Variants in GPC6 observed in about 807,000 individuals in gnomAD.
GPC6 encodes the protein glypican-6.
A neutral mutation model predicts 55.2 loss-of-function variants in GPC6; 14 were observed. The observed-to-expected ratio is 0.25, with a 90% confidence interval of 0.17 to 0.40. GPC6 has a LOEUF of 0.40. Among genes scored for constraint, GPC6 ranks in the 10% least tolerant of loss-of-function variants. GPC6 has a pLI of 1.00. For missense variants in GPC6, 641 were observed against 708.5 expected, an observed-to-expected ratio of 0.90 and a Z score of 1.08; for synonymous variants, 278 against 259.6, an observed-to-expected ratio of 1.07 and a Z score of -0.68.
intron 1 of GPC6, among the ~76,000 whole-genome samples, chr13:93,362,583 G>C (rs1440651613): frequency 6.6e-6 from 1 of 152,064 alleles, no homozygotes; most frequent in Admixed American, 6.6e-5. Flanking sequence ...CTCGAGTACT[G>C]TCAGGCACTT....
At chr13:93,432,295 T>C (rs1442776463) in intron 1 of GPC6, among the ~76,000 whole-genome samples, 1 of 151,982 alleles carries the variant, frequency 6.6e-6, no homozygotes, top group Non-Finnish European at 1.5e-5. Flanking sequence ...CATGTATGAC[T>C]CTCTCTCCGG....
chr13:93,993,732 A>G (rs1003818689), intron 3 of GPC6, among the ~76,000 whole-genome samples: 3 of 152,218 alleles, frequency 2.0e-5, no homozygotes, highest in Non-Finnish European at 4.4e-5. Context: ...AATTAGTGCT[A>G]TGAAAATTTA....
chr13:93,519,260 A>G (rs1417460611), intron 1 of GPC6, among the ~76,000 whole-genome samples: 3 of 152,030 alleles, frequency 2.0e-5, no homozygotes, highest in Admixed American at 6.6e-5. Context: ...ATTTTATCTC[A>G]TTTAACATTT....
intron 1 of GPC6, among the ~76,000 whole-genome samples, chr13:93,324,028 T>A (rs1266706444): frequency 6.6e-6 from 1 of 152,080 alleles, no homozygotes; most frequent in South Asian, 2.1e-4. Flanking sequence ...ATAGCCAAGA[T>A]TTGGAAGCAA....
chr13:94,168,616 G>T lies in GPC6; in HGVS notation c.878-117733G>T, dbSNP rs549531415. Among the ~76,000 whole-genome samples the T allele has an allele frequency of 1.2e-4, 18 of 149,352 alleles. 1 individual carries two copies. The South Asian group carries it at 3.8e-3, about 31-fold the overall frequency. On this transcript the variant is annotated intron_variant, in intron 4 of 8. Coordinates refer to ENST00000377047, the MANE Select transcript of GPC6 (RefSeq NM_005708.5). ...GCACCTTCCTCCATGAAAGAAAAAA[G>T]TATATATATTTATTATATTTTATCT...
At chr13:94,091,216 C>T (rs185698589) in intron 4 of GPC6, among the ~76,000 whole-genome samples, 6 of 152,106 alleles carry the variant, frequency 3.9e-5, no homozygotes, top group East Asian at 1.9e-4. Flanking sequence ...TACCAGTTTA[C>T]GAAAATGGTA....
intron 1 of GPC6, among the ~76,000 whole-genome samples, chr13:93,364,698 C>T (rs1387779424): frequency 1.4e-5 from 2 of 144,468 alleles, no homozygotes; most frequent in East Asian, 2.0e-4. Context: ...TATATATATA[C>T]ACACACACAT....
intron 6 of GPC6, among the ~76,000 whole-genome samples, chr13:94,332,673 G>A (rs17175273): frequency 0.05 from 7,653 of 152,272 alleles, 319 homozygotes; most frequent in South Asian, 0.19. Context: ...TAATAATGCC[G>A]TTGTGTCGAA....
intron 1 of GPC6, among the ~76,000 whole-genome samples, chr13:93,263,491 A>C (rs574299822): frequency 6.6e-6 from 1 of 151,984 alleles, no homozygotes. Context: ...CAGCCTCCTA[A>C]GTAGCTGGGA....
intron 1 of GPC6, among the ~76,000 whole-genome samples, chr13:93,440,414 TTATGGC>T (rs1174902906): frequency 2.0e-5 from 3 of 152,212 alleles, no homozygotes; most frequent in Non-Finnish European, 2.9e-5. Flanking sequence ...TTCTTTATTG[TTATGGC>T]TAATCAAATT....
At chr13:94,394,300 CA>C (rs1880800148) in intron 7 of GPC6, among the ~76,000 whole-genome samples, 1 of 152,354 alleles carries the variant, frequency 6.6e-6, no homozygotes, top group Admixed American at 6.5e-5. Flanking sequence ...CAAACCATGA[CA>C]TCCCTGCTCA....
chr13:93,877,626 C>A (rs1874667721), intron 3 of GPC6, among the ~76,000 whole-genome samples: 1 of 151,940 alleles, frequency 6.6e-6, no homozygotes, highest in Non-Finnish European at 1.5e-5. Flanking sequence ...GGAATCCAAC[C>A]CGTTAGTCTG....
chr13:93,786,985 ATTG>A (rs1223691504), intron 2 of GPC6, among the ~76,000 whole-genome samples: 1 of 152,162 alleles, frequency 6.6e-6, no homozygotes, highest in Non-Finnish European at 1.5e-5. Context: ...ATCACTTCCT[ATTG>A]TTGTACATTT....
intron 5 of GPC6, among the ~76,000 whole-genome samples, chr13:94,293,023 G>A (rs1168850725): frequency 6.6e-6 from 1 of 152,084 alleles, no homozygotes; most frequent in East Asian, 1.9e-4. Flanking sequence ...TATACTTTTT[G>A]TACAATATTA....
intron 6 of GPC6, among the ~76,000 whole-genome samples, chr13:94,378,452 C>T (rs1277849405): frequency 6.6e-6 from 1 of 152,134 alleles, no homozygotes; most frequent in African/African-American, 2.4e-5. Flanking sequence ...CACCTTGTCA[C>T]CTTCCTCCCT....
chr13:93,470,414 C>G (rs909378483), intron 1 of GPC6, among the ~76,000 whole-genome samples: 1 of 152,000 alleles, frequency 6.6e-6, no homozygotes, highest in Non-Finnish European at 1.5e-5. Context: ...AATATAATGG[C>G]TTTTATAGGT....
At chr13:94,100,435 T>C (rs1015946169) in intron 4 of GPC6, among the ~76,000 whole-genome samples, 8 of 152,184 alleles carry the variant, frequency 5.3e-5, no homozygotes, top group Non-Finnish European at 1.0e-4. Context: ...TCCAGAAATA[T>C]AAAGAAAAGG....
At chr13:94,136,273 C>T (rs1289373802) in intron 4 of GPC6, among the ~76,000 whole-genome samples, 3 of 149,490 alleles carry the variant, frequency 2.0e-5, no homozygotes, top group African/African-American at 7.4e-5. Context: ...CTGTGAACTA[C>T]TGATTGGAAA....
upstream of GPC6, among the ~76,000 whole-genome samples, chr13:93,225,257 A>C (rs958561406): frequency 1.3e-5 from 2 of 152,218 alleles, no homozygotes; most frequent in Non-Finnish European, 2.9e-5. Context: ...GTTGTCAAAT[A>C]TGACAGAAGT....
Sources: allele counts gnomAD v4.1 joint callset (sites outside exome capture counted in the v4.1 genomes callset), GRCh38; gene constraint gnomAD v4.1.1; transcripts MANE v1.5; gene names NCBI Gene and HGNC (gene_info 2026-07-23, HGNC 2026-07-21).